Variants in QDPR observed in about 807,000 individuals in gnomAD.
The protein encoded by QDPR is quinoid dihydropteridine reductase, also known as dihydropteridine reductase.
Under a neutral mutation model 31.7 loss-of-function variants are expected in QDPR, and 23 were observed. The ratio of observed to expected loss-of-function variants is 0.73; its 90% CI spans 0.52 to 1.03. The LOEUF is 1.03. Among genes scored for constraint, QDPR ranks in the 50% least tolerant of loss-of-function variants. The probability of loss-of-function intolerance (pLI) is 0.00; values close to 1 mark genes in which losing one functional copy is unlikely to be tolerated. For synonymous variants in QDPR, 124 were observed against 124.7 expected, an observed-to-expected ratio of 0.99 and a Z score of 0.03; for missense variants, 324 against 323.8, an observed-to-expected ratio of 1.00 and a Z score of 0.00.
intron 4 of QDPR, among the ~76,000 whole-genome samples, chr4:17,495,899 C>T (rs1718332234): frequency 6.6e-6 from 1 of 151,864 alleles, no homozygotes; most frequent in Admixed American, 6.6e-5. Context: ...GTCTCAGCTA[C>T]CCGGTAGGCT....
chr4:17,504,326 C>A (rs868455796), intron 3 of QDPR, 53 bp downstream of exon 3: 4 of 1,522,142 alleles, frequency 2.6e-6, no homozygotes, highest in Middle Eastern at 1.7e-4. Context: ...CAATCCTTGT[C>A]AGCTGGAAAA....
intron 4 of QDPR, among the ~76,000 whole-genome samples, chr4:17,494,303 A>C (rs543243262): frequency 6.6e-6 from 1 of 152,270 alleles, no homozygotes; most frequent in African/African-American, 2.4e-5. Context: ...TTTTTCCCAC[A>C]ACTTGCATGG....
chr4:17,505,359 G>C (rs761962507), intron 2 of QDPR, among the ~76,000 whole-genome samples: 7 of 147,852 alleles, frequency 4.7e-5, no homozygotes, highest in Non-Finnish European at 7.4e-5. Flanking sequence ...CGAATCTCCT[G>C]CCTCAGCTTC....
chr4:17,497,443 T>C (rs1718407475), intron 4 of QDPR, among the ~76,000 whole-genome samples: 1 of 151,974 alleles, frequency 6.6e-6, no homozygotes, highest in South Asian at 2.1e-4. Context: ...GCTTAGACCG[T>C]AATGTAGCCC....
intron 4 of QDPR, among the ~76,000 whole-genome samples, chr4:17,497,947 T>A (rs1718425441): frequency 1.3e-5 from 2 of 152,206 alleles, no homozygotes; most frequent in Admixed American, 6.5e-5. Context: ...GCAAGGGATG[T>A]CTTTTATTAA....
chr4:17,494,540 T>C (rs906179711), intron 4 of QDPR, among the ~76,000 whole-genome samples: 3 of 152,198 alleles, frequency 2.0e-5, no homozygotes, highest in African/African-American at 7.2e-5. Context: ...GAAACCCTCC[T>C]GGGAGAGACG....
At chr4:17,487,553 G>T (rs1718010484) in intron 6 of QDPR, among the ~76,000 whole-genome samples, 1 of 152,178 alleles carries the variant, frequency 6.6e-6, no homozygotes, top group South Asian at 2.1e-4. Flanking sequence ...GGCTGAGGAA[G>T]TAGAATCACT....
Position 17,501,862 on chromosome 4 carries a change from G to A in QDPR, c.296-3C>T, listed in dbSNP as rs1221487705. On this transcript the variant is annotated splice_polypyrimidine_tract_variant and splice_region_variant and intron_variant, in intron 3 of 6. Coordinates refer to ENST00000281243, the MANE Select transcript of QDPR (RefSeq NM_000320.3). ...CAGGTCACAGTTCTTAAAGAGAGCT[G>A]AGTGAAAAAAACATGTGGGCTCAGC... The A allele has an allele frequency of 5.0e-6, 8 of 1,613,930 alleles. No individual in the cohort carries two copies. The highest frequency in any genetic ancestry group is 5.9e-6 in the Non-Finnish European group (7 of 1,180,018).
intron 4 of QDPR, among the ~76,000 whole-genome samples, chr4:17,500,369 A>G (rs935588813): frequency 1.2e-4 from 18 of 152,174 alleles, no homozygotes; most frequent in African/African-American, 4.3e-4. Context: ...CCTATCCCAC[A>G]GGGAGTGTTA....
chr4:17,511,706 T>C (rs1051182397), intron 1 of QDPR, among the ~76,000 whole-genome samples: 14 of 152,188 alleles, frequency 9.2e-5, no homozygotes, highest in African/African-American at 3.1e-4. Flanking sequence ...CCGGACTTTT[T>C]GGGTCTGGCG....
chr4:17,490,234 TCTC>T (rs34235865), intron 6 of QDPR: 6,223 of 236,882 alleles, frequency 0.026, 392 homozygotes, highest in African/African-American at 0.13. Flanking sequence ...CCCCATGGAG[TCTC>T]CTCATCACAG....
chr4:17,497,885 A>G (rs953563625), intron 4 of QDPR, among the ~76,000 whole-genome samples: 1 of 152,166 alleles, frequency 6.6e-6, no homozygotes, highest in Non-Finnish European at 1.5e-5. Flanking sequence ...TATACCTGCT[A>G]CCTATTGGTC....
chr4:17,487,648 TAATAAATA>T (rs759744284), intron 6 of QDPR, among the ~76,000 whole-genome samples: 3 of 150,156 alleles, frequency 2.0e-5, no homozygotes, highest in Admixed American at 1.3e-4. Flanking sequence ...TCACAAAAAA[TAATAAATA>T]AATAAATAAA....
intron 1 of QDPR, among the ~76,000 whole-genome samples, chr4:17,509,781 A>G (rs1361769963): frequency 1.3e-5 from 2 of 152,194 alleles, no homozygotes; most frequent in Admixed American, 6.5e-5. Context: ...AGAGGCTTCA[A>G]TGAAAACACA....
chr4:17,505,539 G>A (rs981613513), intron 2 of QDPR, among the ~76,000 whole-genome samples: 14 of 152,246 alleles, frequency 9.2e-5, no homozygotes, highest in Non-Finnish European at 2.1e-4. Flanking sequence ...GAGCTACCAC[G>A]CCTGGCCCAA....
chr4:17,510,837 C>T (rs1718979880), intron 1 of QDPR, among the ~76,000 whole-genome samples: 1 of 152,170 alleles, frequency 6.6e-6, no homozygotes, highest in East Asian at 1.9e-4. Flanking sequence ...CTCTGAAGAC[C>T]TGGGAAAGCG....
intron 4 of QDPR, 32 bp downstream of exon 4, chr4:17,501,687 C>A (rs776871123): frequency 6.2e-6 from 10 of 1,612,068 alleles, no homozygotes; most frequent in Non-Finnish European, 7.6e-6. Flanking sequence ...GGTAAGCAAC[C>A]CCACTCCACA....
At chr4:17,489,859 G>A (rs144398772) in intron 6 of QDPR, among the ~76,000 whole-genome samples, 200 of 152,272 alleles carry the variant, frequency 1.3e-3, no homozygotes, top group Non-Finnish European at 2.1e-3. Flanking sequence ...ATAAACAGTC[G>A]TCAAAGCAGT....
At position 17,502,928 on chromosome 4, in the gene QDPR, T is replaced by C. The variant is rs568486765; in HGVS notation, c.296-1069A>G. Reference sequence around the variant, plus strand: ...ACCTTTATAATGGAAGTCTGGCAGTTGCCATCTCAACCAAGCATCAAATTT... The same window carrying C: ...ACCTTTATAATGGAAGTCTGGCAGTCGCCATCTCAACCAAGCATCAAATTT... On this transcript the variant is annotated intron_variant, in intron 3 of 6. Coordinates refer to ENST00000281243, the MANE Select transcript of QDPR (RefSeq NM_000320.3). Among the ~76,000 whole-genome samples, 5 of 152,360 alleles carry C rather than the reference T, an allele frequency of 3.3e-5. No individual in the cohort carries two copies. The East Asian group carries it at 7.7e-4, about 23-fold the overall frequency.
Sources: gnomAD v4.1 joint callset for allele counts (sites outside exome capture counted in the v4.1 genomes callset) on GRCh38, gnomAD v4.1.1 for gene constraint, MANE v1.5 for transcripts, NCBI Gene and HGNC (gene_info 2026-07-23, HGNC 2026-07-21) for gene names.